Variants in CEP135 observed in about 807,000 individuals in gnomAD.
The protein encoded by CEP135 is centrosomal protein 135.
In CEP135, 142 loss-of-function variants were observed where a neutral mutation model predicts 157.3. That is an observed-to-expected ratio of 0.90 (90% CI 0.79 to 1.04). CEP135 has a LOEUF of 1.04. CEP135 is among the 50% of genes least tolerant of loss of function. The pLI is 0.00. For missense variants in CEP135, 1,317 were observed against 1,309.2 expected (o/e 1.01, Z -0.09); for synonymous variants, 396 against 439.8 (o/e 0.90, Z 1.25).
intron 11 of CEP135, among the ~76,000 whole-genome samples, chr4:55,979,232 A>T (rs545852005): frequency 6.6e-6 from 1 of 151,340 alleles, no homozygotes; most frequent in Non-Finnish European, 1.5e-5. Flanking sequence ...TACATTTGTT[A>T]TTTTTCTTTT....
rs373641337 is a variant in CEP135 at position 55,952,113 on chromosome 4, C to T, written c.-18C>T. 4.2e-5 allele frequency: 58 copies of T among 1,377,570 alleles called. No homozygotes were observed. The highest frequency in any genetic ancestry group is 5.6e-5 in the Non-Finnish European group (55 of 980,632). The allele number at this position is 1,377,570 out of a possible 1,614,324, so 85.3% of individuals were successfully genotyped here. ...CTTTAATTTTTGGAAGTGAATAAAA[C>T]TTGTTTTAGAAGACGAGATGACTAC... On this transcript the variant is annotated 5_prime_UTR_variant, in exon 2 of 26. Transcript: ENST00000257287.
chr4:56,024,430 A>G lies in CEP135; in HGVS notation c.3321-71A>G. 1.2e-5 allele frequency: 12 copies of G among 1,021,596 alleles called. No homozygotes were observed. In the South Asian group the frequency reaches 1.6e-4, roughly 14 times the overall value. 63.3% of individuals were successfully genotyped at this position (1,021,596 alleles called of 1,614,324 possible). ...TATTACAAATTAGCTAATAACTCTTATATTTGTTTGCCACTTTTTGATTTT... is the reference window on the plus strand; with the variant it reads ...TATTACAAATTAGCTAATAACTCTTGTATTTGTTTGCCACTTTTTGATTTT... On this transcript the variant is annotated intron_variant, in intron 24 of 25. Coordinates refer to ENST00000257287, the MANE Select transcript of CEP135 (RefSeq NM_025009.5).
intron 17 of CEP135, among the ~76,000 whole-genome samples, chr4:56,002,246 A>G (rs1730200124): frequency 6.6e-6 from 1 of 151,546 alleles, no homozygotes; most frequent in South Asian, 2.1e-4. Flanking sequence ...CTTTCTCTTG[A>G]CTAATTGTTC....
At position 55,980,293 on chromosome 4, in the gene CEP135, G is replaced by T. The variant is rs1442762087; in HGVS notation, c.1624G>T (p.Glu542Ter). 4 of 1,489,302 alleles carry T rather than the reference G, an allele frequency of 2.7e-6. No homozygotes were observed. The highest frequency in any genetic ancestry group is 1.2e-5 in the South Asian group (1 of 85,740). 92.3% of individuals were successfully genotyped at this position (1,489,302 alleles called of 1,614,324 possible). A position where few individuals can be genotyped will look rare whatever the true frequency, so the allele number is the denominator to read the frequency against. Reference protein sequence around the residue: ...ERDKLSVLYNEAQEELSALRK... With the variant: ...ERDKLSVLYN ...AGATAAACTAAGTGTCTTATATAAT[G>T]AAGTAAGAAATGTATTATAATTAAG... Residue 542 changes from glutamate to a stop codon, truncating the protein, a stop_gained and splice_region_variant, in exon 12 of 26, where the codon GAA becomes TAA. Transcript: ENST00000257287. LOFTEE classifies it high-confidence loss of function.
chr4:56,022,285 T>A (rs1160505326), intron 24 of CEP135, among the ~76,000 whole-genome samples: 1 of 152,188 alleles, frequency 6.6e-6, no homozygotes, highest in Non-Finnish European at 1.5e-5. Context: ...ACCTTGAGCC[T>A]CATGACCATG....
chr4:56,002,414 A>G lies in CEP135; in HGVS notation c.2280+2769A>G, dbSNP rs544748979. Among the ~76,000 whole-genome samples the G allele has an allele frequency of 2.0e-5, 3 of 151,922 alleles. No homozygotes were observed. In the East Asian group the frequency reaches 5.8e-4, roughly 29 times the overall value. ...TTATTTTGAGGTATTTTCTTTCTGT[A>G]CCCTTTGTTGAGGGTTTTTACAAAA... On this transcript the variant is annotated intron_variant, in intron 17 of 25. Coordinates refer to ENST00000257287, the MANE Select transcript of CEP135 (RefSeq NM_025009.5).
chr4:55,957,382 T>C lies in CEP135; in HGVS notation c.614+18T>C. ...GATAACAGGTGCATTAAATAATTCT[T>C]TCTTGGCTTGAGTTAATTGAGCACT... On this transcript the variant is annotated intron_variant, in intron 5 of 25. Transcript: ENST00000257287. The C allele has an allele frequency of 6.2e-7, 1 of 1,603,680 alleles. No individual in the cohort carries two copies. The highest frequency in any genetic ancestry group is 8.5e-7 in the Non-Finnish European group (1 of 1,177,200).
In CEP135 at chr4:56,018,737, G is replaced by A. The variant is rs570254861; in HGVS notation, c.3013-616G>A. Among the ~76,000 whole-genome samples the A allele has an allele frequency of 4.6e-5, 7 of 152,010 alleles. No individual in the cohort carries two copies. The South Asian group carries it at 1.2e-3, about 27-fold the overall frequency. On this transcript the variant is annotated intron_variant, in intron 22 of 25. Coordinates refer to ENST00000257287, the MANE Select transcript of CEP135 (RefSeq NM_025009.5). ...ATTGTGCCACTGCACTCCAGCTTGG[G>A]CAACAGAGTGAGACCTTGTCTCAAA...
At chr4:56,008,190 G>A (rs981841972) in intron 17 of CEP135, 137 bp from the exon 18 acceptor site, 9 of 613,738 alleles carry the variant, frequency 1.5e-5, no homozygotes, top group Non-Finnish European at 1.4e-5. Flanking sequence ...ATGGAGATAT[G>A]TTTACTTGGA....
intron 14 of CEP135, among the ~76,000 whole-genome samples, chr4:55,988,122 A>T (rs1729649226): frequency 1.4e-5 from 2 of 147,614 alleles, no homozygotes; most frequent in Non-Finnish European, 3.0e-5. Flanking sequence ...TAAGTGGAGG[A>T]TTATATCAGG....
intron 15 of CEP135, among the ~76,000 whole-genome samples, chr4:55,996,216 G>T (rs186337531): frequency 9.2e-5 from 14 of 152,208 alleles, no homozygotes; most frequent in Non-Finnish European, 1.9e-4. Context: ...TGACCTCCTG[G>T]CTCAAGCAGT....
rs555298576 is a variant in CEP135, at chr4:55,951,591, T to G, written c.-45-495T>G. Among the ~76,000 whole-genome samples the G allele has an allele frequency of 7.9e-5, 12 of 152,356 alleles. No homozygotes were observed. The South Asian group carries it at 1.2e-3, about 16-fold the overall frequency. On this transcript the variant is annotated intron_variant, in intron 1 of 25. Coordinates refer to ENST00000257287, the MANE Select transcript of CEP135 (RefSeq NM_025009.5). ...ACAGTTTTAGCCCAAATTAATGTTC[T>G]TATTGGGATGTTTGTCTTATTATTG...
Position 55,954,328 on chromosome 4 carries a change from T to C in CEP135, c.417T>C (p.Asn139=), listed in dbSNP as rs774083628. 5.0e-6 allele frequency: 8 copies of C among 1,609,700 alleles called. No individual in the cohort carries two copies. The South Asian group carries it at 7.8e-5, about 16-fold the overall frequency. The part of the protein sequence containing the change: ...KLLEKESKAK[N]ERIQQLQEKN... Reference sequence around the variant, plus strand: ...TGGAGAAAGAGAGCAAAGCTAAGAATGAAAGAATTCAACAACTTCAAGAAA... The same window carrying C: ...TGGAGAAAGAGAGCAAAGCTAAGAACGAAAGAATTCAACAACTTCAAGAAA... Residue 139 remains asparagine (N), a synonymous_variant, in exon 4 of 26, where the codon AAT becomes AAC. Coordinates refer to ENST00000257287, the MANE Select transcript of CEP135 (RefSeq NM_025009.5).
Position 56,020,700 on chromosome 4 carries a change from C to T in CEP135, c.3240C>T (p.Thr1080=). 5 of 1,613,460 alleles carry T rather than the reference C, an allele frequency of 3.1e-6. No homozygotes were observed. Among genetic ancestry groups the T allele is most frequent in the Non-Finnish European group, 4.2e-6 (5 of 1,179,654 alleles). Residue 1080 remains threonine, a synonymous_variant, in exon 24 of 26, where the codon ACC becomes ACT. Transcript: ENST00000257287. ...GAACTAGTCAAAGCCGGGAAAACAC[C>T]ATGCTTCGAGCTAAAGTGGCACAGT... ...SKLTSQSREN[T]MLRAKVAQLQ...
chr4:56,017,936 A>C, intron 22 of CEP135, 79 bp downstream of exon 22: 4 of 1,167,034 alleles, frequency 3.4e-6, no homozygotes, highest in Non-Finnish European at 4.8e-6. Flanking sequence ...TCACCACACC[A>C]TGCATATACT....
chr4:56,023,207 G>A (rs1731024655), intron 24 of CEP135, among the ~76,000 whole-genome samples: 2 of 149,590 alleles, frequency 1.3e-5, no homozygotes, highest in Admixed American at 6.9e-5. Flanking sequence ...GGGCAATAGA[G>A]CAAGTCCCTG....
At chr4:55,987,819 G>C (rs1012010302) in intron 14 of CEP135, among the ~76,000 whole-genome samples, 6 of 152,082 alleles carry the variant, frequency 3.9e-5, no homozygotes, top group Non-Finnish European at 4.4e-5. Context: ...AGCCTGAGAA[G>C]ATCTAATATT....
intron 13 of CEP135, among the ~76,000 whole-genome samples, chr4:55,983,812 G>C (rs1729488443): frequency 6.6e-6 from 1 of 152,108 alleles, no homozygotes; most frequent in Non-Finnish European, 1.5e-5. Flanking sequence ...GAGCCACCAT[G>C]CCCGACCTGT....
chr4:56,025,433 G>C (rs1048822742), intron 25 of CEP135, among the ~76,000 whole-genome samples: 4 of 152,188 alleles, frequency 2.6e-5, no homozygotes, highest in African/African-American at 9.6e-5. Context: ...AGAAACAGTA[G>C]TACACATGGT....
Sources: allele counts gnomAD v4.1 joint callset (sites outside exome capture counted in the v4.1 genomes callset), GRCh38; gene constraint gnomAD v4.1.1; transcripts MANE v1.5; gene names NCBI Gene and HGNC (gene_info 2026-07-23, HGNC 2026-07-21).